Variants in SHB observed in about 807,000 individuals in gnomAD.
SHB encodes SH2 domain-containing adapter protein B.
In SHB, 20 loss-of-function variants were observed where a neutral mutation model predicts 52.3. The ratio of observed to expected loss-of-function variants is 0.38; its 90% CI spans 0.27 to 0.56. SHB has a LOEUF of 0.56. Ranked by LOEUF, SHB falls within the 20% of genes least tolerant of loss-of-function variation. SHB has a pLI of 0.71. For synonymous variants in SHB, 397 were observed against 316.5 expected (o/e 1.25, Z -2.70); for missense variants, 825 against 723.3 (o/e 1.14, Z -1.61).
intron 1 of SHB, among the ~76,000 whole-genome samples, chr9:38,026,694 T>C (rs1821347416): frequency 6.6e-6 from 1 of 152,238 alleles, no homozygotes; most frequent in Non-Finnish European, 1.5e-5. Flanking sequence ...GATGAACTCT[T>C]TCTCCTGTGC....
chr9:38,028,999 G>A (rs373146657), intron 1 of SHB, among the ~76,000 whole-genome samples: 25 of 152,254 alleles, frequency 1.6e-4, no homozygotes, highest in African/African-American at 6.0e-4. Flanking sequence ...CAGGACCACC[G>A]AGCTTCCCAG....
At chr9:37,982,062 T>G (rs984290519) in intron 2 of SHB, among the ~76,000 whole-genome samples, 1 of 151,756 alleles carries the variant, frequency 6.6e-6, no homozygotes, top group South Asian at 2.1e-4. Context: ...ATAGACTTAC[T>G]TGAAGGAAGG....
At chr9:37,920,125 T>C in intron 5 of SHB, 121 bp from the exon 6 acceptor site, 2 of 759,202 alleles carry the variant, frequency 2.6e-6, no homozygotes, top group Non-Finnish European at 4.4e-6. Flanking sequence ...GAGCTGCACC[T>C]CTCCAAGCCA....
chr9:38,057,276 C>A (rs576103211), intron 1 of SHB, among the ~76,000 whole-genome samples: 2 of 151,914 alleles, frequency 1.3e-5, no homozygotes, highest in African/African-American at 2.4e-5. Flanking sequence ...AAAATATAGA[C>A]GGTATCACTT....
intron 2 of SHB, among the ~76,000 whole-genome samples, chr9:37,989,775 T>C (rs1371238878): frequency 2.0e-5 from 3 of 152,216 alleles, no homozygotes; most frequent in African/African-American, 7.2e-5. Flanking sequence ...TAAAGTGTTG[T>C]TGTTGTTGCT....
At chr9:38,045,694 T>C (rs1234156429) in intron 1 of SHB, among the ~76,000 whole-genome samples, 1 of 152,034 alleles carries the variant, frequency 6.6e-6, no homozygotes, top group Non-Finnish European at 1.5e-5. Context: ...CTATACAACG[T>C]GAGATCCTAC....
chr9:38,038,832 G>A (rs1821525851), intron 1 of SHB, among the ~76,000 whole-genome samples: 1 of 152,112 alleles, frequency 6.6e-6, no homozygotes, highest in South Asian at 2.1e-4. Flanking sequence ...AGTGGGCAGG[G>A]GCCACCCCCC....
rs561851544 is a variant in SHB at position 38,019,544 on chromosome 9, C to T, written c.718-3413G>A. On this transcript the variant is annotated intron_variant, in intron 1 of 5. Transcript: ENST00000377707. The stretch of plus-strand genomic sequence containing the variant: ...GAGGAAGGTGGGTGTTGCCCCTTGG[C>T]CACACTTCCCTATGGACTGGTCAGA... 1.6e-3 allele frequency among the ~76,000 whole-genome samples: 247 copies of T among 152,370 alleles called. 1 individual carries two copies. Among genetic ancestry groups the T allele is most frequent in the Non-Finnish European group, 3.2e-3 (218 of 68,042 alleles).
At chr9:37,980,805 C>T (rs2117984046) in intron 2 of SHB, among the ~76,000 whole-genome samples, 1 of 152,342 alleles carries the variant, frequency 6.6e-6, no homozygotes, top group Admixed American at 6.5e-5. Context: ...GGCATGAAAA[C>T]AACATTCATC....
intron 5 of SHB, among the ~76,000 whole-genome samples, chr9:37,932,985 A>G (rs566864103): frequency 8.5e-5 from 13 of 152,304 alleles, no homozygotes; most frequent in Non-Finnish European, 1.5e-4. Flanking sequence ...TACACAATAA[A>G]CTTTATTTGA....
Position 37,919,651 on chromosome 9 carries a change from T to TCCAGCCC in SHB, c.*163_*169dup. 1.8e-6 allele frequency: 1 copy of TCCAGCCC among 558,152 alleles called. No individual in the cohort carries two copies. Among genetic ancestry groups the TCCAGCCC allele is most frequent in the Non-Finnish European group, 3.2e-6 (1 of 313,452 alleles). 34.6% of individuals were successfully genotyped at this position (558,152 alleles called of 1,614,324 possible). ...CCCTTCTGTCTTTATCCAGGCCTTC[T>TCCAGCCC]CCAGCCCCCGTAAGTGGCAACAGCA... On this transcript the variant is annotated 3_prime_UTR_variant, in exon 6 of 6. Coordinates refer to ENST00000377707, the MANE Select transcript of SHB (RefSeq NM_003028.3).
chr9:37,994,099 A>G (rs909444441), intron 2 of SHB, among the ~76,000 whole-genome samples: 1 of 152,198 alleles, frequency 6.6e-6, no homozygotes, highest in African/African-American at 2.4e-5. Flanking sequence ...TCATTTACTT[A>G]CAGAATCACC....
At chr9:37,983,218 T>C (rs1293886172) in intron 2 of SHB, among the ~76,000 whole-genome samples, 2 of 152,166 alleles carry the variant, frequency 1.3e-5, no homozygotes, top group Non-Finnish European at 2.9e-5. Context: ...TGGGGGAACC[T>C]GGGAGGGCCT....
chr9:37,972,237 G>A (rs1357842548), intron 3 of SHB, among the ~76,000 whole-genome samples: 1 of 152,192 alleles, frequency 6.6e-6, no homozygotes, highest in African/African-American at 2.4e-5. Context: ...AATCAAACTG[G>A]TGTTTGCAAA....
Position 38,054,902 on chromosome 9 carries a change from G to A in SHB, c.717+13027C>T, listed in dbSNP as rs545268703. Among the ~76,000 whole-genome samples, 9 of 152,334 alleles carry A rather than the reference G, an allele frequency of 5.9e-5. No homozygotes were observed. In the South Asian group the frequency reaches 1.9e-3, roughly 32 times the overall value. On this transcript the variant is annotated intron_variant, in intron 1 of 5. Coordinates refer to ENST00000377707, the MANE Select transcript of SHB (RefSeq NM_003028.3). Reference sequence around the variant, plus strand: ...AAGGTAACAAATCTCAACATTGGAAGTTTTCAGCATGGATGGAAGAGAGTT... The same window carrying A: ...AAGGTAACAAATCTCAACATTGGAAATTTTCAGCATGGATGGAAGAGAGTT...
At chr9:38,047,867 C>T (rs959320037) in intron 1 of SHB, among the ~76,000 whole-genome samples, 10 of 152,220 alleles carry the variant, frequency 6.6e-5, no homozygotes, top group Admixed American at 3.9e-4. Context: ...CCCGAGCTAA[C>T]GCTGTGGCCC....
chr9:37,947,587 T>G (rs916911683), intron 5 of SHB, among the ~76,000 whole-genome samples: 1 of 152,224 alleles, frequency 6.6e-6, no homozygotes, highest in Non-Finnish European at 1.5e-5. Context: ...CTCCTGACTC[T>G]GCAGTTTGTC....
At chr9:37,976,077 C>T (rs1820649753) in intron 2 of SHB, among the ~76,000 whole-genome samples, 1 of 151,962 alleles carries the variant, frequency 6.6e-6, no homozygotes, top group Admixed American at 6.6e-5. Context: ...ACTCTGTTAC[C>T]CAGGCTGGAG....
intron 1 of SHB, among the ~76,000 whole-genome samples, chr9:38,047,442 G>A (rs777596140): frequency 1.2e-4 from 18 of 152,208 alleles, no homozygotes; most frequent in Admixed American, 5.9e-4. Context: ...ACTGGAGACT[G>A]CAAGGCTTCA....
Sources: gnomAD v4.1 joint callset for allele counts (sites outside exome capture counted in the v4.1 genomes callset) on GRCh38, gnomAD v4.1.1 for gene constraint, MANE v1.5 for transcripts, NCBI Gene and HGNC (gene_info 2026-07-23, HGNC 2026-07-21) for gene names.